The following GRIK1 variants were observed in gnomAD, a reference collection of about 807,000 sequenced individuals.
The protein encoded by GRIK1 is glutamate receptor ionotropic, kainate 1.
Under a neutral mutation model 105.7 loss-of-function variants are expected in GRIK1, and 69 were observed. The ratio of observed to expected loss-of-function variants is 0.65; its 90% confidence interval spans 0.54 to 0.80. The LOEUF (loss-of-function observed/expected upper bound fraction) is 0.80, where lower values mean the gene tolerates loss of function less well. GRIK1 is among the 30% of genes least tolerant of loss of function. The probability of loss-of-function intolerance (pLI) is 0.00; values close to 1 mark genes in which losing one functional copy is unlikely to be tolerated. For synonymous variants in GRIK1, 438 were observed against 431.3 expected, an observed-to-expected ratio of 1.02 and a Z score of -0.19; for missense variants, 1,109 against 1,167.3, an observed-to-expected ratio of 0.95 and a Z score of 0.73.
In GRIK1 at chr21:29,608,847, A is replaced by G. The variant is rs370486175; in HGVS notation, c.1099-9910T>C. On this transcript the variant is annotated intron_variant, in intron 7 of 17. Coordinates refer to ENST00000327783, the MANE Select transcript of GRIK1 (RefSeq NM_001330994.2). ...CTTTGGATATTAAGGTGTCACTTAG[A>G]TGACTAACTGTACTAGAGGATGGAA... 4.5e-4 allele frequency among the ~76,000 whole-genome samples: 69 copies of G among 152,230 alleles called. No homozygotes were observed. In the East Asian group the frequency reaches 0.01, roughly 22 times the overall value.
At chr21:29,874,242 T>C (rs753544425) in intron 1 of GRIK1, among the ~76,000 whole-genome samples, 4 of 152,150 alleles carry the variant, frequency 2.6e-5, no homozygotes, top group Non-Finnish European at 5.9e-5. Flanking sequence ...GTGGCCATGT[T>C]AAATGTTACC....
At chr21:29,875,566 C>G (rs541461941) in intron 1 of GRIK1, among the ~76,000 whole-genome samples, 1 of 152,130 alleles carries the variant, frequency 6.6e-6, no homozygotes, top group Admixed American at 6.5e-5. Flanking sequence ...GAGGGAAGCA[C>G]CTGGAAACAA....
At chr21:29,590,033 T>A (rs760235640) in intron 10 of GRIK1, among the ~76,000 whole-genome samples, 1 of 152,206 alleles carries the variant, frequency 6.6e-6, no homozygotes, top group African/African-American at 2.4e-5. Context: ...TAATGGACAC[T>A]TCCCTACTAC....
At chr21:29,585,194 A>G (rs2091103986) in intron 12 of GRIK1, among the ~76,000 whole-genome samples, 1 of 152,120 alleles carries the variant, frequency 6.6e-6, no homozygotes, top group Admixed American at 6.6e-5. Flanking sequence ...GAACTACTGA[A>G]TGGATTGCAT....
intron 1 of GRIK1, among the ~76,000 whole-genome samples, chr21:29,816,425 A>G (rs1204299889): frequency 6.6e-6 from 1 of 152,138 alleles, no homozygotes; most frequent in African/African-American, 2.4e-5. Context: ...ATACCACACA[A>G]TCCATCAATC....
chr21:29,856,482 A>G (rs2068468115), intron 1 of GRIK1, among the ~76,000 whole-genome samples: 1 of 152,190 alleles, frequency 6.6e-6, no homozygotes, highest in Admixed American at 6.5e-5. Context: ...ATACCTGTGA[A>G]ATAAAAAGCC....
intron 1 of GRIK1, among the ~76,000 whole-genome samples, chr21:29,923,479 T>C (rs1331339169): frequency 6.6e-6 from 1 of 152,176 alleles, no homozygotes; most frequent in Non-Finnish European, 1.5e-5. Flanking sequence ...TAATTTGAAC[T>C]CAAAATAGAG....
chr21:29,676,809 A>G (rs1208834397), intron 3 of GRIK1, among the ~76,000 whole-genome samples: 3 of 152,222 alleles, frequency 2.0e-5, no homozygotes, highest in African/African-American at 4.8e-5. Flanking sequence ...CATATATGGC[A>G]AAAGAAGGCT....
intron 1 of GRIK1, among the ~76,000 whole-genome samples, chr21:29,869,334 C>A (rs2068932087): frequency 6.6e-6 from 1 of 152,210 alleles, no homozygotes; most frequent in African/African-American, 2.4e-5. Context: ...CCAGGTTAAG[C>A]CTAGTGAGAA....
At chr21:29,745,807 A>T (rs979350246) in intron 1 of GRIK1, among the ~76,000 whole-genome samples, 5 of 152,194 alleles carry the variant, frequency 3.3e-5, no homozygotes, top group Non-Finnish European at 5.9e-5. Flanking sequence ...TATTTCTTAA[A>T]ATTGAGAAAA....
intron 1 of GRIK1, among the ~76,000 whole-genome samples, chr21:29,864,289 A>T (rs1400867876): frequency 6.6e-6 from 1 of 152,142 alleles, no homozygotes; most frequent in African/African-American, 2.4e-5. Flanking sequence ...GGCCACAAAA[A>T]GTCTGATGTT....
intron 1 of GRIK1, among the ~76,000 whole-genome samples, chr21:29,757,242 T>C (rs909937852): frequency 6.6e-6 from 1 of 152,220 alleles, no homozygotes. Flanking sequence ...GGTGGCCTCA[T>C]TTCAATTCCC....
At chr21:29,893,360 A>G (rs145504689) in intron 1 of GRIK1, among the ~76,000 whole-genome samples, 62 of 152,322 alleles carry the variant, frequency 4.1e-4, no homozygotes, top group African/African-American at 1.4e-3. Context: ...TGAATAAAAC[A>G]TTCTTTTTCA....
intron 1 of GRIK1, among the ~76,000 whole-genome samples, chr21:29,894,724 A>G (rs1490953484): frequency 2.0e-5 from 3 of 152,174 alleles, no homozygotes; most frequent in Non-Finnish European, 4.4e-5. Context: ...CCTGAAAGCA[A>G]TGAGATGCAA....
chr21:29,716,401 G>C (rs560042967), intron 1 of GRIK1, among the ~76,000 whole-genome samples: 2 of 152,178 alleles, frequency 1.3e-5, no homozygotes, highest in South Asian at 4.1e-4. Context: ...ATGTAGGAAA[G>C]TTAGAAACTT....
chr21:29,569,176 C>G (rs780099210), intron 14 of GRIK1, among the ~76,000 whole-genome samples: 6 of 152,006 alleles, frequency 3.9e-5, no homozygotes, highest in Non-Finnish European at 8.8e-5. Context: ...TGAACAGAGA[C>G]CAAACCAAAA....
intron 1 of GRIK1, among the ~76,000 whole-genome samples, chr21:29,879,260 C>A (rs570314078): frequency 3.9e-5 from 6 of 152,156 alleles, no homozygotes; most frequent in African/African-American, 1.4e-4. Context: ...AATTGGTGGT[C>A]TGGAGTTCTT....
chr21:29,882,905 A>G (rs1458828655), intron 1 of GRIK1, among the ~76,000 whole-genome samples: 1 of 152,030 alleles, frequency 6.6e-6, no homozygotes, highest in African/African-American at 2.4e-5. Context: ...TATACTAATA[A>G]CCAGGGGCTG....
At chr21:29,559,009 T>C (rs2090327081) in intron 15 of GRIK1, among the ~76,000 whole-genome samples, 1 of 152,294 alleles carries the variant, frequency 6.6e-6, no homozygotes, top group South Asian at 2.1e-4. Context: ...TAAATCATTG[T>C]TAACAGACAG....
Sources: gnomAD v4.1 joint callset for allele counts (sites outside exome capture counted in the v4.1 genomes callset) on GRCh38, gnomAD v4.1.1 for gene constraint, MANE v1.5 for transcripts, NCBI Gene and HGNC (gene_info 2026-07-23, HGNC 2026-07-21) for gene names.